B3GALT1: variants seen among roughly 807,000 people sequenced by gnomAD.
The protein encoded by B3GALT1 is beta-1,3-galactosyltransferase 1.
In B3GALT1, 10 loss-of-function variants were observed where a neutral mutation model predicts 23.2. That is an observed-to-expected ratio of 0.43 (90% CI 0.27 to 0.73). The LOEUF is 0.73. Ranked by LOEUF, B3GALT1 falls within the 30% of genes least tolerant of loss-of-function variation. The pLI is 0.21. For synonymous variants in B3GALT1, 156 were observed against 141.5 expected (o/e 1.10, Z -0.73); for missense variants, 299 against 405.4 (o/e 0.74, Z 2.25).
chr2:167,341,321 G>T (rs1307603985), intron 1 of B3GALT1, among the ~76,000 whole-genome samples: 2 of 152,160 alleles, frequency 1.3e-5, no homozygotes, highest in Non-Finnish European at 2.9e-5. Flanking sequence ...TCAAATATTT[G>T]TTTGCCATTT....
chr2:167,576,149 G>T (rs746840716), intron 2 of B3GALT1, among the ~76,000 whole-genome samples: 1 of 151,708 alleles, frequency 6.6e-6, no homozygotes, highest in East Asian at 1.9e-4. Context: ...TTTGCAAGTT[G>T]TCCATAGGCC....
Position 167,660,241 on chromosome 2 carries a change from A to G in B3GALT1, c.-352+13275A>G, listed in dbSNP as rs143530393. 1.6e-3 allele frequency among the ~76,000 whole-genome samples: 236 copies of G among 152,188 alleles called. 1 individual carries two copies. The highest frequency in any genetic ancestry group is 5.4e-3 in the African/African-American group (225 of 41,546). On this transcript the variant is annotated intron_variant, in intron 3 of 4. Coordinates refer to ENST00000392690, the MANE Select transcript of B3GALT1 (RefSeq NM_020981.4). ...AAAAATGCAAACCCTGGAAGTTATT[A>G]TAGGAAGTTGCCTCTAATTGCTGTT...
intron 4 of B3GALT1, among the ~76,000 whole-genome samples, chr2:167,868,076 A>G (rs1690268763): frequency 6.6e-6 from 1 of 152,262 alleles, no homozygotes; most frequent in Non-Finnish European, 1.5e-5. Context: ...AACCATAAAA[A>G]GTGACACCGT....
intron 3 of B3GALT1, among the ~76,000 whole-genome samples, chr2:167,698,372 TC>T (rs1279496876): frequency 6.6e-6 from 1 of 152,220 alleles, no homozygotes; most frequent in East Asian, 1.9e-4. Context: ...ATCATCTCCT[TC>T]CTATTTTGCA....
chr2:167,624,009 C>T (rs973321324), intron 2 of B3GALT1, among the ~76,000 whole-genome samples: 1 of 151,922 alleles, frequency 6.6e-6, no homozygotes. Context: ...ATTGGGAAGT[C>T]TTAAAGTAGA....
At chr2:167,615,013 A>C (rs533554293) in intron 2 of B3GALT1, among the ~76,000 whole-genome samples, 2 of 152,018 alleles carry the variant, frequency 1.3e-5, no homozygotes, top group African/African-American at 4.8e-5. Flanking sequence ...AAAATAAATA[A>C]TGTTTTGAAA....
At chr2:167,818,632 G>GTTAT (rs1423937271) in intron 3 of B3GALT1, among the ~76,000 whole-genome samples, 40 bp from the exon 4 acceptor site, 1 of 151,852 alleles carries the variant, frequency 6.6e-6, no homozygotes, top group Non-Finnish European at 1.5e-5. Flanking sequence ...ATTCATTTCC[G>GTTAT]TTATTTCTAA....
chr2:167,800,860 G>T (rs1306342278), intron 3 of B3GALT1, among the ~76,000 whole-genome samples: 1 of 152,154 alleles, frequency 6.6e-6, no homozygotes, highest in East Asian at 1.9e-4. Context: ...TCGCCTAGAA[G>T]TCCCAAGCTC....
Position 167,564,583 on chromosome 2 carries a change from G to A in B3GALT1, c.-410+74306G>A, listed in dbSNP as rs187937473. Among the ~76,000 whole-genome samples, 7 of 152,270 alleles carry A rather than the reference G, an allele frequency of 4.6e-5. No homozygotes were observed. In the East Asian group the frequency reaches 5.8e-4, roughly 13 times the overall value. Reference sequence around the variant, plus strand: ...TCCAGCCTGGGCACCACCGAGCACCGAGTGAACGAGACTCCGTCTGCAATC... The same window carrying A: ...TCCAGCCTGGGCACCACCGAGCACCAAGTGAACGAGACTCCGTCTGCAATC... On this transcript the variant is annotated intron_variant, in intron 2 of 4. Transcript: ENST00000392690.
intron 3 of B3GALT1, among the ~76,000 whole-genome samples, chr2:167,817,584 T>A (rs1478892716): frequency 6.6e-6 from 1 of 152,166 alleles, no homozygotes; most frequent in Non-Finnish European, 1.5e-5. Context: ...TAACAGAAAC[T>A]GGAACCAGCA....
chr2:167,667,996 T>A (rs1558942957), intron 3 of B3GALT1, among the ~76,000 whole-genome samples: 3 of 152,230 alleles, frequency 2.0e-5, no homozygotes, highest in Non-Finnish European at 4.4e-5. Context: ...GGTGAGGAGC[T>A]GCGTTCCTTT....
chr2:167,538,705 G>C (rs991678404), intron 2 of B3GALT1, among the ~76,000 whole-genome samples: 1 of 151,974 alleles, frequency 6.6e-6, no homozygotes, highest in Non-Finnish European at 1.5e-5. Context: ...AAATAACTAT[G>C]GTTTATCTTG....
chr2:167,600,756 T>C (rs1462779181), intron 2 of B3GALT1, among the ~76,000 whole-genome samples: 7 of 152,240 alleles, frequency 4.6e-5, no homozygotes, highest in Non-Finnish European at 1.0e-4. Context: ...TGAATAACAT[T>C]CCATGGTATG....
intron 3 of B3GALT1, among the ~76,000 whole-genome samples, chr2:167,722,187 A>G (rs991105084): frequency 7.9e-5 from 12 of 152,244 alleles, no homozygotes; most frequent in Admixed American, 3.3e-4. Flanking sequence ...GAGGTAGGCT[A>G]TAGTATAAAT....
At chr2:167,387,670 C>T (rs1244088443) in intron 1 of B3GALT1, among the ~76,000 whole-genome samples, 3 of 152,128 alleles carry the variant, frequency 2.0e-5, no homozygotes, top group Non-Finnish European at 4.4e-5. Flanking sequence ...TTTAAATACA[C>T]CTATTTACTA....
At chr2:167,552,830 T>C (rs2105381992) in intron 2 of B3GALT1, among the ~76,000 whole-genome samples, 1 of 152,332 alleles carries the variant, frequency 6.6e-6, no homozygotes, top group Non-Finnish European at 1.5e-5. Flanking sequence ...TGGCTTGGTT[T>C]CCAAACAAGA....
At chr2:167,507,843 T>C (rs1448393775) in intron 2 of B3GALT1, among the ~76,000 whole-genome samples, 1 of 152,228 alleles carries the variant, frequency 6.6e-6, no homozygotes, top group Non-Finnish European at 1.5e-5. Context: ...CAAAACCTTG[T>C]ACTTAGTGAA....
At position 167,818,807 on chromosome 2, in the gene B3GALT1, C is replaced by T. The variant is rs1689048033; in HGVS notation, c.-230+14C>T. 6.6e-6 allele frequency among the ~76,000 whole-genome samples: 1 copy of T among 152,018 alleles called. No individual in the cohort carries two copies. Among genetic ancestry groups the T allele is most frequent in the South Asian group, 2.1e-4 (1 of 4,824 alleles). On this transcript the variant is annotated intron_variant, in intron 4 of 4. Transcript: ENST00000392690. ...TGGAGCCAACAGGTAGGCGAGAAAC[C>T]AGGTAGGCGAGAAACACGTTTCTCA...
At chr2:167,495,744 A>T (rs1331172014) in intron 2 of B3GALT1, among the ~76,000 whole-genome samples, 1 of 152,072 alleles carries the variant, frequency 6.6e-6, no homozygotes, top group East Asian at 1.9e-4. Context: ...GAGGCAAGGG[A>T]TGCCTTCAGG....
Sources: gnomAD v4.1 joint callset for allele counts (sites outside exome capture counted in the v4.1 genomes callset) on GRCh38, gnomAD v4.1.1 for gene constraint, MANE v1.5 for transcripts, NCBI Gene and HGNC (gene_info 2026-07-23, HGNC 2026-07-21) for gene names.